Variants in FOXK2 observed in about 807,000 individuals in gnomAD.
FOXK2 encodes the protein forkhead box protein K2.
A neutral mutation model predicts 53.3 loss-of-function variants in FOXK2; 24 were observed. The observed-to-expected ratio is 0.45, with a 90% CI of 0.33 to 0.63. The LOEUF is 0.63. Ranked by LOEUF, FOXK2 falls within the 30% of genes least tolerant of loss-of-function variation. The pLI is 0.03. For missense variants in FOXK2, 952 were observed against 910.5 expected, an observed-to-expected ratio of 1.05 and a Z score of -0.59; for synonymous variants, 505 against 407.1, an observed-to-expected ratio of 1.24 and a Z score of -2.89.
chr17:82,604,348 C>T lies in FOXK2; in HGVS notation c.*2849C>T, dbSNP rs1180822167. 1 of 152,532 alleles carries T rather than the reference C, an allele frequency of 6.6e-6. No individual in the cohort carries two copies. Among genetic ancestry groups the T allele is most frequent in the Non-Finnish European group, 1.5e-5 (1 of 68,060 alleles). The allele number at this position is 152,532 out of a possible 1,614,324, so 9.4% of individuals were successfully genotyped here. ...TACGCGGTGGACAGCTGATCTCCTT[C>T]AGTCGTCTACCCACTTCCGTCATTG... On this transcript the variant is annotated 3_prime_UTR_variant, in exon 9 of 9. Transcript: ENST00000335255.
intron 8 of FOXK2, among the ~76,000 whole-genome samples, chr17:82,594,708 GTC>G (rs2045292596): frequency 6.6e-6 from 1 of 152,158 alleles, no homozygotes; most frequent in South Asian, 2.1e-4. Flanking sequence ...AGCGGAGCCC[GTC>G]TCTGTAGATG....
chr17:82,562,882 T>C (rs1403307048), intron 1 of FOXK2, among the ~76,000 whole-genome samples: 1 of 151,852 alleles, frequency 6.6e-6, no homozygotes, highest in Non-Finnish European at 1.5e-5. Flanking sequence ...CATAGCTCAC[T>C]GCAGCCTCGA....
At chr17:82,597,267 A>G (rs1158649050) in intron 8 of FOXK2, among the ~76,000 whole-genome samples, 1 of 152,198 alleles carries the variant, frequency 6.6e-6, no homozygotes, top group African/African-American at 2.4e-5. Flanking sequence ...GCATCTTTAG[A>G]TCAACAGAGT....
At chr17:82,595,518 G>C (rs2045300954) in intron 8 of FOXK2, among the ~76,000 whole-genome samples, 1 of 152,230 alleles carries the variant, frequency 6.6e-6, no homozygotes, top group South Asian at 2.1e-4. Flanking sequence ...GCTCAGGCTG[G>C]TCTCAAACTC....
Position 82,585,787 on chromosome 17 carries a change from G to A in FOXK2, c.1280-117G>A, listed in dbSNP as rs936327915. 5 of 993,390 alleles carry A rather than the reference G, an allele frequency of 5.0e-6. No homozygotes were observed. In the African/African-American group the frequency reaches 8.1e-5, roughly 16 times the overall value. The allele number at this position is 993,390 out of a possible 1,614,324, so 61.5% of individuals were successfully genotyped here. A position where few individuals can be genotyped will look rare whatever the true frequency, so the allele number is the denominator to read the frequency against. ...CTTTACTATTGTGAGGTGAAATAGG[G>A]CCATATCCTATATTTTAAATTAAAG... On this transcript the variant is annotated intron_variant, in intron 6 of 8. Transcript: ENST00000335255.
At chr17:82,525,938 G>A (rs2044413561) in intron 1 of FOXK2, among the ~76,000 whole-genome samples, 1 of 149,512 alleles carries the variant, frequency 6.7e-6, no homozygotes, top group South Asian at 2.2e-4. Context: ...TTCTTACGTG[G>A]CATGAATCCC....
rs1469392109 is a variant in FOXK2, at chr17:82,601,578, G to T, written c.*79G>T. The T allele has an allele frequency of 7.1e-7, 1 of 1,413,922 alleles. No individual in the cohort carries two copies. 87.6% of individuals were successfully genotyped at this position (1,413,922 alleles called of 1,614,324 possible). A position where few individuals can be genotyped will look rare whatever the true frequency, so the allele number is the denominator to read the frequency against. On this transcript the variant is annotated 3_prime_UTR_variant, in exon 9 of 9. Transcript: ENST00000335255. Reference sequence around the variant, plus strand: ...CGCGGCCTCCCGCCAGCACTCGGGGGTGCAGGGCCCTGTGGTTGGACTTCA... The same window carrying T: ...CGCGGCCTCCCGCCAGCACTCGGGGTTGCAGGGCCCTGTGGTTGGACTTCA...
chr17:82,587,258 G>T lies in FOXK2; in HGVS notation c.1772G>T (p.Gly591Val), dbSNP rs200853971. The change falls in exon 8 of 9, where the codon GGC becomes GTC. Residue 591 changes from glycine to valine, a missense_variant. By Grantham distance (109) the Gly-to-Val change is moderately radical (BLOSUM62 -3). Around this residue, in one of 5 missense-constraint regions of FOXK2, gnomAD observed 551 missense variants for 385.1 expected, o/e 1.43. Coordinates refer to ENST00000335255, the MANE Select transcript of FOXK2 (RefSeq NM_004514.4). ...GCATCAGTCCCCACTGCGGTCCACG[G>T]CCAGGTGAACAATGGTAAGACATGC... ...HVASVPTAVH[G>V]QVNNAAASPL... 1.3e-5 allele frequency: 21 copies of T among 1,612,748 alleles called. No individual in the cohort carries two copies. Among genetic ancestry groups the T allele is most frequent in the Non-Finnish European group, 1.7e-5 (20 of 1,179,786 alleles).
At chr17:82,568,728 G>A (rs187879792) in intron 3 of FOXK2, among the ~76,000 whole-genome samples, 4 of 152,324 alleles carry the variant, frequency 2.6e-5, no homozygotes, top group East Asian at 3.9e-4. Flanking sequence ...AATGGAATGC[G>A]GCTGGGTGTG....
At chr17:82,570,173 A>C (rs1002177704) in intron 3 of FOXK2, among the ~76,000 whole-genome samples, 1 of 151,310 alleles carries the variant, frequency 6.6e-6, no homozygotes, top group East Asian at 1.9e-4. Flanking sequence ...AGTGAGCCGA[A>C]ATCGCGCCAC....
At chr17:82,551,174 G>A (rs1026735850) in intron 1 of FOXK2, among the ~76,000 whole-genome samples, 2 of 151,952 alleles carry the variant, frequency 1.3e-5, no homozygotes, top group East Asian at 3.9e-4. Flanking sequence ...AAAATTAGCC[G>A]GGCGTGGTGG....
At chr17:82,552,753 T>C (rs1347040667) in intron 1 of FOXK2, among the ~76,000 whole-genome samples, 7 of 152,144 alleles carry the variant, frequency 4.6e-5, no homozygotes, top group Non-Finnish European at 2.9e-5. Flanking sequence ...TGATGCTGGC[T>C]GTGAGCACTT....
chr17:82,590,101 C>G (rs1040124609), intron 8 of FOXK2, among the ~76,000 whole-genome samples: 7 of 151,992 alleles, frequency 4.6e-5, no homozygotes, highest in African/African-American at 1.7e-4. Flanking sequence ...CTTTCATGCT[C>G]CATCCCATAG....
chr17:82,574,317 CTCTCT>C (rs1312638372), intron 4 of FOXK2, among the ~76,000 whole-genome samples: 1 of 138,474 alleles, frequency 7.2e-6, no homozygotes, highest in African/African-American at 2.9e-5. Context: ...ACATTACTCT[CTCTCT>C]TTTTTTTTTT....
intron 1 of FOXK2, among the ~76,000 whole-genome samples, chr17:82,544,059 A>C (rs920671416): frequency 1.2e-4 from 18 of 152,198 alleles, no homozygotes; most frequent in Non-Finnish European, 2.5e-4. Context: ...TACAGGCGTG[A>C]GCCACCGTGC....
At chr17:82,527,203 A>G (rs1250023163) in intron 1 of FOXK2, among the ~76,000 whole-genome samples, 1 of 152,088 alleles carries the variant, frequency 6.6e-6, no homozygotes, top group East Asian at 1.9e-4. Context: ...GTTGCCTTTA[A>G]TAACTACTCT....
intron 1 of FOXK2, among the ~76,000 whole-genome samples, chr17:82,528,099 A>T (rs1567963600): frequency 6.6e-6 from 1 of 152,142 alleles, no homozygotes; most frequent in Non-Finnish European, 1.5e-5. Flanking sequence ...TGCCTGGCCT[A>T]TACATGTTTT....
chr17:82,543,806 T>G (rs1335381210), intron 1 of FOXK2, among the ~76,000 whole-genome samples: 30 of 146,408 alleles, frequency 2.0e-4, no homozygotes, highest in Admixed American at 1.5e-3. Flanking sequence ...AGACGGAGTC[T>G]TCTTCTGTCA....
At chr17:82,544,202 TGCGCCCG>T (rs2044601253) in intron 1 of FOXK2, among the ~76,000 whole-genome samples, 1 of 152,234 alleles carries the variant, frequency 6.6e-6, no homozygotes, top group African/African-American at 2.4e-5. Flanking sequence ...CGTGAGCCAC[TGCGCCCG>T]GCCAAGCTTT....
Sources: gnomAD v4.1 joint callset for allele counts (sites outside exome capture counted in the v4.1 genomes callset) on GRCh38, gnomAD v4.1.1 for gene constraint, gnomAD v4.1.1 regional missense constraint, MANE v1.5 for transcripts, NCBI Gene and HGNC (gene_info 2026-07-23, HGNC 2026-07-21) for gene names.